Variants in PDE8A observed in about 807,000 individuals in gnomAD.
PDE8A encodes the protein high affinity cAMP-specific and IBMX-insensitive 3',5'-cyclic phosphodiesterase 8A.
Under a neutral mutation model 105.0 loss-of-function variants are expected in PDE8A, and 59 were observed. The observed-to-expected ratio is 0.56, with a 90% confidence interval of 0.46 to 0.70. PDE8A has a LOEUF of 0.70. Ranked by LOEUF, PDE8A falls within the 30% of genes least tolerant of loss-of-function variation. The pLI is 0.00. For synonymous variants in PDE8A, 355 were observed against 371.9 expected (o/e 0.95, Z 0.52); for missense variants, 1,014 against 1,045.9 (o/e 0.97, Z 0.42).
At chr15:85,056,479 C>G (rs2081061849) in intron 1 of PDE8A, among the ~76,000 whole-genome samples, 1 of 152,170 alleles carries the variant, frequency 6.6e-6, no homozygotes, top group East Asian at 1.9e-4. Context: ...TTTACATAGT[C>G]CCACATTTCT....
chr15:85,013,693 C>T (rs1403932674), intron 1 of PDE8A, among the ~76,000 whole-genome samples: 1 of 152,170 alleles, frequency 6.6e-6, no homozygotes, highest in Non-Finnish European at 1.5e-5. Flanking sequence ...GCATTTATTT[C>T]TCACTGTTTC....
intron 1 of PDE8A, among the ~76,000 whole-genome samples, chr15:85,041,806 G>A (rs1425957334): frequency 6.6e-6 from 1 of 152,140 alleles, no homozygotes; most frequent in African/African-American, 2.4e-5. Flanking sequence ...CAAGGCTGGG[G>A]CCTCACCTCC....
chr15:85,079,057 T>G (rs1024052752), intron 5 of PDE8A, among the ~76,000 whole-genome samples: 4 of 152,198 alleles, frequency 2.6e-5, no homozygotes, highest in African/African-American at 9.7e-5. Flanking sequence ...AACCCTGCCA[T>G]GTGCATACTC....
At chr15:85,122,830 T>C (rs1249500628) in intron 18 of PDE8A, among the ~76,000 whole-genome samples, 5 of 152,228 alleles carry the variant, frequency 3.3e-5, no homozygotes, top group African/African-American at 1.2e-4. Flanking sequence ...ACTGCAACTA[T>C]AAGTTTTGCC....
At chr15:85,074,715 C>G (rs761561814) in intron 3 of PDE8A, among the ~76,000 whole-genome samples, 1 of 152,160 alleles carries the variant, frequency 6.6e-6, no homozygotes, top group Admixed American at 6.5e-5. Context: ...GAATCTCTTA[C>G]GCATCTGGAA....
chr15:84,986,679 C>T (rs970867685), intron 1 of PDE8A, among the ~76,000 whole-genome samples: 3 of 151,888 alleles, frequency 2.0e-5, no homozygotes, highest in African/African-American at 7.3e-5. Context: ...GTGGCACAAC[C>T]ATGGCTCACT....
intron 1 of PDE8A, among the ~76,000 whole-genome samples, chr15:85,024,064 G>C (rs150363783): frequency 1.9e-4 from 29 of 152,024 alleles, no homozygotes; most frequent in African/African-American, 6.8e-4. Flanking sequence ...TCTTCTTCCT[G>C]TAGCTCCCTT....
Position 85,100,361 on chromosome 15 carries a change from C to CAG in PDE8A, c.1036+166_1036+167dup, listed in dbSNP as rs2081841294. ...CAGGCTGGCTTATGAGTCACTTGTA[C>CAG]AGAGGACTTGAGCGCTTGTGAGCAT... On this transcript the variant is annotated intron_variant, in intron 11 of 21. Coordinates refer to ENST00000394553, the MANE Select transcript of PDE8A (RefSeq NM_002605.3). 4.6e-6 allele frequency: 3 copies of CAG among 647,500 alleles called. No individual in the cohort carries two copies. The South Asian group carries it at 5.9e-5, about 13-fold the overall frequency. The allele number at this position is 647,500 out of a possible 1,614,324, so 40.1% of individuals were successfully genotyped here. A position where few individuals can be genotyped will look rare whatever the true frequency, so the allele number is the denominator to read the frequency against.
intron 5 of PDE8A, among the ~76,000 whole-genome samples, chr15:85,078,330 G>T (rs921999841): frequency 6.6e-6 from 1 of 151,658 alleles, no homozygotes. Context: ...GGCAGATCAC[G>T]AGGTCAGGAG....
At chr15:85,029,161 G>A (rs1444757413) in intron 1 of PDE8A, among the ~76,000 whole-genome samples, 2 of 151,968 alleles carry the variant, frequency 1.3e-5, no homozygotes, top group Non-Finnish European at 2.9e-5. Flanking sequence ...CTTCCATTAG[G>A]CAGCCCAGCC....
At chr15:84,999,450 T>C (rs1437281968) in intron 1 of PDE8A, among the ~76,000 whole-genome samples, 1 of 152,090 alleles carries the variant, frequency 6.6e-6, no homozygotes, top group Admixed American at 6.5e-5. Flanking sequence ...AATAAAATAT[T>C]CCCTCATTCA....
chr15:85,055,874 T>C (rs1420592313), intron 1 of PDE8A, among the ~76,000 whole-genome samples: 1 of 152,190 alleles, frequency 6.6e-6, no homozygotes, highest in Non-Finnish European at 1.5e-5. Flanking sequence ...GTTATTTTGC[T>C]CGTTAGTTGA....
At position 84,997,292 on chromosome 15, in the gene PDE8A, C is replaced by G. The variant is rs1296468132; in HGVS notation, c.186+14944C>G. Among the ~76,000 whole-genome samples, 8 of 151,946 alleles carry G rather than the reference C, an allele frequency of 5.3e-5. No homozygotes were observed. In the East Asian group the frequency reaches 1.5e-3, roughly 29 times the overall value. On this transcript the variant is annotated intron_variant, in intron 1 of 21. Transcript: ENST00000394553. Reference sequence around the variant, plus strand: ...TACTGCAACCTCTGTCTCCTGGGCTCAAGTGATCCTCCCACCTTAGCCTCC... The same window carrying G: ...TACTGCAACCTCTGTCTCCTGGGCTGAAGTGATCCTCCCACCTTAGCCTCC...
chr15:85,019,602 T>G (rs1306784776), intron 1 of PDE8A, among the ~76,000 whole-genome samples: 1 of 151,674 alleles, frequency 6.6e-6, no homozygotes, highest in East Asian at 1.9e-4. Flanking sequence ...TGTTTTGGAG[T>G]CAGAGTTTCG....
At chr15:85,051,479 A>C (rs1337192380) in intron 1 of PDE8A, among the ~76,000 whole-genome samples, 1 of 151,834 alleles carries the variant, frequency 6.6e-6, no homozygotes, top group Non-Finnish European at 1.5e-5. Flanking sequence ...TTTTTTCTTC[A>C]ATTTTTAAGT....
chr15:85,123,940 C>T (rs1390994062), intron 19 of PDE8A, among the ~76,000 whole-genome samples: 2 of 152,184 alleles, frequency 1.3e-5, no homozygotes, highest in African/African-American at 4.8e-5. Context: ...CTAATATCCC[C>T]CTCCCTTCTT....
chr15:85,006,386 A>T (rs2080147879), intron 1 of PDE8A, among the ~76,000 whole-genome samples: 1 of 152,220 alleles, frequency 6.6e-6, no homozygotes, highest in Admixed American at 6.5e-5. Context: ...TGAGGGCAGG[A>T]TGCCATACAC....
chr15:85,119,987 A>C (rs1333729620), intron 17 of PDE8A, among the ~76,000 whole-genome samples: 1 of 152,150 alleles, frequency 6.6e-6, no homozygotes, highest in East Asian at 1.9e-4. Flanking sequence ...AAATAGGTGA[A>C]GTTCTAGCCA....
chr15:84,981,811 T>A (rs554992282), upstream of PDE8A, among the ~76,000 whole-genome samples: 8 of 151,110 alleles, frequency 5.3e-5, no homozygotes, highest in Admixed American at 5.3e-4. Context: ...CAGCCGCTCC[T>A]GGGTAAGGAG....
Sources: allele counts gnomAD v4.1 joint callset (sites outside exome capture counted in the v4.1 genomes callset), GRCh38; gene constraint gnomAD v4.1.1; transcripts MANE v1.5; gene names NCBI Gene and HGNC (gene_info 2026-07-23, HGNC 2026-07-21).